The following NMNAT2 variants were observed in gnomAD, a reference collection of about 807,000 sequenced individuals.
NMNAT2 encodes nicotinamide nucleotide adenylyltransferase 2, also known as nicotinamide/nicotinic acid mononucleotide adenylyltransferase 2.
A neutral mutation model predicts 41.6 loss-of-function variants in NMNAT2; 11 were observed. The ratio of observed to expected loss-of-function variants is 0.26; its 90% confidence interval spans 0.17 to 0.44. NMNAT2 has a LOEUF of 0.44. NMNAT2 is among the 20% of genes least tolerant of loss of function. The pLI, the probability that NMNAT2 is intolerant of heterozygous loss-of-function variation, is 1.00. For missense variants in NMNAT2, 288 were observed against 407.7 expected (o/e 0.71, Z 2.53); for synonymous variants, 148 against 151.2 (o/e 0.98, Z 0.16).
intron 1 of NMNAT2, among the ~76,000 whole-genome samples, chr1:183,366,922 T>G (rs566379293): frequency 6.6e-6 from 1 of 152,184 alleles, no homozygotes; most frequent in Non-Finnish European, 1.5e-5. Context: ...TCAGCTTCAC[T>G]GGGGGTATCT....
chr1:183,369,718 A>T (rs1028985135), intron 1 of NMNAT2, among the ~76,000 whole-genome samples: 1 of 151,810 alleles, frequency 6.6e-6, no homozygotes, highest in Non-Finnish European at 1.5e-5. Context: ...GCACTTTTTC[A>T]TCTTCTCAAA....
intron 8 of NMNAT2, among the ~76,000 whole-genome samples, chr1:183,271,132 C>T (rs1400513131): frequency 6.6e-6 from 1 of 152,144 alleles, no homozygotes; most frequent in African/African-American, 2.4e-5. Flanking sequence ...GGCTGATGTT[C>T]CATCCCCAAG....
intron 1 of NMNAT2, among the ~76,000 whole-genome samples, chr1:183,343,508 G>C (rs147945504): frequency 1.3e-5 from 2 of 152,162 alleles, no homozygotes; most frequent in East Asian, 3.9e-4. Context: ...CTTGTTTACT[G>C]TAAGTCTGTC....
intron 1 of NMNAT2, among the ~76,000 whole-genome samples, chr1:183,403,448 C>T (rs1482628213): frequency 6.6e-6 from 1 of 151,570 alleles, no homozygotes; most frequent in South Asian, 2.1e-4. Flanking sequence ...CAACCCCCCC[C>T]CCCAAAAAAA....
intron 1 of NMNAT2, among the ~76,000 whole-genome samples, chr1:183,392,328 A>G (rs1399782045): frequency 1.3e-5 from 2 of 152,070 alleles, no homozygotes; most frequent in Non-Finnish European, 2.9e-5. Flanking sequence ...CAGCAAATCC[A>G]CCTACAAAAT....
At chr1:183,410,914 C>A (rs1207356706) in intron 1 of NMNAT2, among the ~76,000 whole-genome samples, 1 of 151,992 alleles carries the variant, frequency 6.6e-6, no homozygotes, top group East Asian at 1.9e-4. Flanking sequence ...GATGGGGTCT[C>A]ATTATAAATT....
At chr1:183,268,258 C>A (rs1478629757) in intron 8 of NMNAT2, among the ~76,000 whole-genome samples, 1 of 152,176 alleles carries the variant, frequency 6.6e-6, no homozygotes, top group Non-Finnish European at 1.5e-5. Flanking sequence ...GGCTGAATTT[C>A]AGCCTCTTGC....
At chr1:183,402,100 G>A (rs911403080) in intron 1 of NMNAT2, among the ~76,000 whole-genome samples, 2 of 152,060 alleles carry the variant, frequency 1.3e-5, no homozygotes, top group Non-Finnish European at 2.9e-5. Flanking sequence ...GGGTAGTCAA[G>A]CCCTAGAGAC....
At chr1:183,321,197 A>G (rs1662350070) in intron 1 of NMNAT2, among the ~76,000 whole-genome samples, 1 of 152,156 alleles carries the variant, frequency 6.6e-6, no homozygotes, top group African/African-American at 2.4e-5. Flanking sequence ...TTTCAACTCA[A>G]TTTCATAAAC....
intron 1 of NMNAT2, among the ~76,000 whole-genome samples, chr1:183,303,886 C>T (rs1426000067): frequency 6.6e-6 from 1 of 152,218 alleles, no homozygotes; most frequent in African/African-American, 2.4e-5. Flanking sequence ...TTATGGATTT[C>T]CTCTCCACAG....
At chr1:183,344,664 T>C (rs887530393) in intron 1 of NMNAT2, among the ~76,000 whole-genome samples, 3 of 152,212 alleles carry the variant, frequency 2.0e-5, no homozygotes, top group African/African-American at 7.2e-5. Flanking sequence ...GGGGCCGTCC[T>C]GGGCATTGTA....
intron 1 of NMNAT2, among the ~76,000 whole-genome samples, chr1:183,342,715 T>C (rs951222999): frequency 2.0e-5 from 3 of 152,094 alleles, no homozygotes; most frequent in Admixed American, 2.0e-4. Context: ...TCTAAAGTCA[T>C]CTCAAACTCA....
At chr1:183,313,356 C>A (rs1040558414) in intron 1 of NMNAT2, among the ~76,000 whole-genome samples, 1 of 152,180 alleles carries the variant, frequency 6.6e-6, no homozygotes, top group Non-Finnish European at 1.5e-5. Flanking sequence ...GGTCAACCAG[C>A]TGGACTTTCT....
chr1:183,279,524 C>G (rs1395901029), intron 7 of NMNAT2, among the ~76,000 whole-genome samples: 1 of 152,202 alleles, frequency 6.6e-6, no homozygotes, highest in East Asian at 1.9e-4. Flanking sequence ...ACCAGCCTTC[C>G]AGAGACAGCT....
At chr1:183,274,250 C>T (rs1412884722) in intron 8 of NMNAT2, among the ~76,000 whole-genome samples, 1 of 151,970 alleles carries the variant, frequency 6.6e-6, no homozygotes, top group Non-Finnish European at 1.5e-5. Context: ...AGATCTTTTA[C>T]AGGAGGAATT....
intron 1 of NMNAT2, among the ~76,000 whole-genome samples, chr1:183,324,034 G>A (rs1662409685): frequency 6.6e-6 from 1 of 152,208 alleles, no homozygotes; most frequent in South Asian, 2.1e-4. Context: ...AGTGGGCAAG[G>A]GGACCCAGTG....
rs985688234 is a variant in NMNAT2 at position 183,346,910 on chromosome 1, C to A, written c.86-53117G>T. On this transcript the variant is annotated intron_variant, in intron 1 of 10. Transcript: ENST00000287713. ...ATTATAGTCATTTCTCACCCCTTTTCTTTCTATGACAAAGCAAAAAAAAGA... is the reference window on the plus strand; with the variant it reads ...ATTATAGTCATTTCTCACCCCTTTTATTTCTATGACAAAGCAAAAAAAAGA... Among the ~76,000 whole-genome samples the A allele has an allele frequency of 6.6e-5, 10 of 152,116 alleles. No homozygotes were observed. In the South Asian group the frequency reaches 1.9e-3, roughly 28 times the overall value.
intron 1 of NMNAT2, among the ~76,000 whole-genome samples, chr1:183,301,062 A>T (rs576211632): frequency 6.6e-6 from 1 of 152,074 alleles, no homozygotes; most frequent in Non-Finnish European, 1.5e-5. Flanking sequence ...TAAAATGTTG[A>T]TATTTTGTTT....
chr1:183,347,884 T>G (rs774475576), intron 1 of NMNAT2, among the ~76,000 whole-genome samples: 19 of 152,168 alleles, frequency 1.2e-4, no homozygotes, highest in Non-Finnish European at 2.1e-4. Context: ...ACACTCTGAG[T>G]GAGCACATGT....
Sources: gnomAD v4.1 joint callset for allele counts (sites outside exome capture counted in the v4.1 genomes callset) on GRCh38, gnomAD v4.1.1 for gene constraint, MANE v1.5 for transcripts, NCBI Gene and HGNC (gene_info 2026-07-23, HGNC 2026-07-21) for gene names.